PTP4A3: variants seen among roughly 807,000 people sequenced by gnomAD.
The protein encoded by PTP4A3 is protein tyrosine phosphatase type IVA 3.
Under a neutral mutation model 15.2 loss-of-function variants are expected in PTP4A3, and 9 were observed. The ratio of observed to expected loss-of-function variants is 0.59; its 90% CI spans 0.36 to 1.03. PTP4A3 has a LOEUF of 1.03. Ranked by LOEUF, PTP4A3 falls within the 50% of genes least tolerant of loss-of-function variation. The pLI is 0.02. For missense variants in PTP4A3, 234 were observed against 252.1 expected (o/e 0.93, Z 0.49); for synonymous variants, 95 against 102.0 (o/e 0.93, Z 0.41).
At chr8:141,423,975 G>A (rs1258146142) in intron 2 of PTP4A3, among the ~76,000 whole-genome samples, 1 of 151,752 alleles carries the variant, frequency 6.6e-6, no homozygotes, top group African/African-American at 2.4e-5. Flanking sequence ...TCAAGGCTCA[G>A]GACGTGACCA....
At chr8:141,427,236 C>T (rs1270537142) in intron 4 of PTP4A3, among the ~76,000 whole-genome samples, 167 bp downstream of exon 4, 1 of 152,224 alleles carries the variant, frequency 6.6e-6, no homozygotes, top group East Asian at 1.9e-4. Flanking sequence ...CCCAGCATCA[C>T]AGAGAGGAAG....
chr8:141,418,487 C>T (rs576706691), intron 1 of PTP4A3, among the ~76,000 whole-genome samples: 48 of 152,354 alleles, frequency 3.2e-4, no homozygotes, highest in Middle Eastern at 3.4e-3. Context: ...CTCCCCTCTC[C>T]CTGGCTTGTT....
chr8:141,431,248 T>A lies in PTP4A3; in HGVS notation c.*204T>A. Reference sequence around the variant, plus strand: ...GGGCCCTGGGTGGCCTCTGGGCCCTTTCTCCTGTCTCCGCCACTCCCTCTG... The same window carrying A: ...GGGCCCTGGGTGGCCTCTGGGCCCTATCTCCTGTCTCCGCCACTCCCTCTG... On this transcript the variant is annotated 3_prime_UTR_variant, in exon 6 of 6. Coordinates refer to ENST00000521578, the MANE Select transcript of PTP4A3 (RefSeq NM_032611.3). The A allele has an allele frequency of 1.7e-6, 1 of 587,904 alleles. No individual in the cohort carries two copies. The highest frequency in any genetic ancestry group is 3.0e-6 in the Non-Finnish European group (1 of 332,232). The allele number at this position is 587,904 out of a possible 1,614,324, so 36.4% of individuals were successfully genotyped here. A position where few individuals can be genotyped will look rare whatever the true frequency, so the allele number is the denominator to read the frequency against.
chr8:141,422,883 A>G (rs1455985192), intron 2 of PTP4A3, among the ~76,000 whole-genome samples: 3 of 152,176 alleles, frequency 2.0e-5, no homozygotes, highest in Non-Finnish European at 2.9e-5. Flanking sequence ...GCCGCTGGCA[A>G]CCCTGGCAGA....
At chr8:141,409,219 G>A (rs1174759250) in intron 1 of PTP4A3, among the ~76,000 whole-genome samples, 2 of 152,218 alleles carry the variant, frequency 1.3e-5, no homozygotes, top group Non-Finnish European at 2.9e-5. Context: ...CATCCAACAG[G>A]CCCGTGTGAA....
chr8:141,411,378 T>C (rs933581677), intron 1 of PTP4A3, among the ~76,000 whole-genome samples: 7 of 152,134 alleles, frequency 4.6e-5, no homozygotes, highest in African/African-American at 1.7e-4. Context: ...CCCAGTAGGA[T>C]CTAGGCACCA....
In PTP4A3 at chr8:141,430,938, G is replaced by C; in HGVS notation, c.416G>C (p.Gly139Ala). 1.2e-6 allele frequency: 2 copies of C among 1,613,218 alleles called. No individual in the cohort carries two copies. Among genetic ancestry groups the C allele is most frequent in the Non-Finnish European group, 1.7e-6 (2 of 1,179,956 alleles). Reference protein sequence around the residue: ...AIQFIRQKRRGAINSKQLTYL... With the variant: ...AIQFIRQKRRAAINSKQLTYL... ...TCCCCTCTTCCCAGGAAGCGCCGCG[G>C]AGCCATCAACAGCAAGCAGCTCACC... Residue 139 changes from glycine (G) to alanine (A), a missense_variant, in exon 6 of 6, where the codon GGA (glycine) becomes GCA (alanine). Gly to Ala is a moderately conservative substitution (Grantham distance 60, BLOSUM62 0). Coordinates refer to ENST00000521578, the MANE Select transcript of PTP4A3 (RefSeq NM_032611.3).
chr8:141,429,551 G>A (rs1247910375), intron 5 of PTP4A3, among the ~76,000 whole-genome samples: 1 of 151,890 alleles, frequency 6.6e-6, no homozygotes, highest in African/African-American at 2.4e-5. Flanking sequence ...GGAGCAGGGT[G>A]AGTGTACAGC....
chr8:141,424,313 G>A (rs1478918429), intron 2 of PTP4A3, among the ~76,000 whole-genome samples: 2 of 152,166 alleles, frequency 1.3e-5, no homozygotes, highest in Admixed American at 6.5e-5. Context: ...CGCAGTGGGG[G>A]TATAACTATC....
At position 141,431,025 on chromosome 8, in the gene PTP4A3, C is replaced by G. The variant is rs1308980617; in HGVS notation, c.503C>G (p.Thr168Ser). 6.2e-7 allele frequency: 1 copy of G among 1,613,094 alleles called. No homozygotes were observed. The highest frequency in any genetic ancestry group is 8.5e-7 in the Non-Finnish European group (1 of 1,179,938). The change falls in exon 6 of 6, where the codon ACC (threonine) becomes AGC (serine). Residue 168 changes from threonine to serine, a missense_variant. Thr to Ser is a moderately conservative substitution (Grantham distance 58). Transcript: ENST00000521578. ...TTCAAAGACCCACACACGCACAAGA[C>G]CCGGTGCTGCGTTATGTAGCTCAGG... Reference protein sequence around the residue: ...LRFKDPHTHKTRCCVM With the variant: ...LRFKDPHTHKSRCCVM
intron 1 of PTP4A3, among the ~76,000 whole-genome samples, chr8:141,419,210 A>G (rs1370253386): frequency 6.6e-6 from 1 of 152,182 alleles, no homozygotes; most frequent in African/African-American, 2.4e-5. Flanking sequence ...GTGCAGGGCC[A>G]CTAGGCAGCA....
chr8:141,421,533 C>A lies in PTP4A3; in HGVS notation c.-708C>A. 1 of 152,824 alleles carries A rather than the reference C, an allele frequency of 6.5e-6. No individual in the cohort carries two copies. The highest frequency in any genetic ancestry group is 1.5e-5 in the Non-Finnish European group (1 of 68,416). 9.5% of individuals were successfully genotyped at this position (152,824 alleles called of 1,614,324 possible). A position where few individuals can be genotyped will look rare whatever the true frequency, so the allele number is the denominator to read the frequency against. ...CACCATTGCCCTCGCCTGCCGATGG[C>A]CTCTGCTGCCCAGCCTGGGGCCAGC... On this transcript the variant is annotated 5_prime_UTR_variant, in exon 2 of 6. Coordinates refer to ENST00000521578, the MANE Select transcript of PTP4A3 (RefSeq NM_032611.3).
At chr8:141,404,856 C>T (rs1243095438) in intron 1 of PTP4A3, among the ~76,000 whole-genome samples, 1 of 152,220 alleles carries the variant, frequency 6.6e-6, no homozygotes, top group Non-Finnish European at 1.5e-5. Flanking sequence ...GCCACACAGC[C>T]TTTACATATA....
chr8:141,410,847 G>GGA (rs1258486233), intron 1 of PTP4A3, among the ~76,000 whole-genome samples: 1 of 152,198 alleles, frequency 6.6e-6, no homozygotes, highest in African/African-American at 2.4e-5. Flanking sequence ...GGCCTTGCGG[G>GGA]TGGAAAGGAG....
In PTP4A3 at chr8:141,425,562, T is replaced by C. The variant is rs1465760042; in HGVS notation, c.198+422T>C. Among the ~76,000 whole-genome samples the C allele has an allele frequency of 7.5e-6, 1 of 133,080 alleles. No individual in the cohort carries two copies. Among genetic ancestry groups the C allele is most frequent in the Non-Finnish European group, 1.6e-5 (1 of 63,274 alleles). The allele number at this position is 133,080 out of a possible 152,430, so 87.3% of individuals were successfully genotyped here. On this transcript the variant is annotated intron_variant, in intron 3 of 5. Coordinates refer to ENST00000521578, the MANE Select transcript of PTP4A3 (RefSeq NM_032611.3). This position sits in a 1 kb window ranked among gnomAD's most constrained non-coding sequence, Gnocchi z 4.2. ...AGGGCCCTTGGGCAGTTTCCTCGGC[T>C]TCTTTGGCCCTGGGGACCCAGGTCT...
At position 141,431,124 on chromosome 8, in the gene PTP4A3, G is replaced by T; in HGVS notation, c.*80G>T. On this transcript the variant is annotated 3_prime_UTR_variant, in exon 6 of 6. Transcript: ENST00000521578. ...TGGAGGCCCTGCCCAGCCCTGCTCT[G>T]CCCAGCCCAGCAGGGGCTCCAGGCC... 1 of 1,389,436 alleles carries T rather than the reference G, an allele frequency of 7.2e-7. No homozygotes were observed. Among genetic ancestry groups the T allele is most frequent in the Non-Finnish European group, 1.0e-6 (1 of 985,226 alleles). 86.1% of individuals were successfully genotyped at this position (1,389,436 alleles called of 1,614,324 possible).
At chr8:141,412,966 C>G (rs994940163) in intron 1 of PTP4A3, among the ~76,000 whole-genome samples, 1 of 152,220 alleles carries the variant, frequency 6.6e-6, no homozygotes, top group African/African-American at 2.4e-5. Context: ...TGTTGTGGAC[C>G]ACTTTGGGGC....
intron 1 of PTP4A3, among the ~76,000 whole-genome samples, chr8:141,415,215 C>A (rs540317184): frequency 7.2e-5 from 11 of 151,996 alleles, no homozygotes; most frequent in Admixed American, 6.5e-5. Flanking sequence ...AGTGAGGCTC[C>A]CTCCAGCGCG....
intron 1 of PTP4A3, among the ~76,000 whole-genome samples, chr8:141,405,903 G>A (rs901920730): frequency 1.3e-5 from 2 of 152,168 alleles, no homozygotes; most frequent in Middle Eastern, 3.2e-3. Flanking sequence ...TCGGAGGCAG[G>A]ACTGTGCTTG....
Sources: allele counts gnomAD v4.1 joint callset (sites outside exome capture counted in the v4.1 genomes callset), GRCh38; gene constraint gnomAD v4.1.1; non-coding constraint Gnocchi (gnomAD v3.1); transcripts MANE v1.5; gene names NCBI Gene and HGNC (gene_info 2026-07-23, HGNC 2026-07-21).